ZC3H12B: variants seen among roughly 807,000 people sequenced by gnomAD.
ZC3H12B encodes the protein zinc finger CCCH-type containing 12B.
In ZC3H12B, 7 loss-of-function variants were observed where a neutral mutation model predicts 43.9. The ratio of observed to expected loss-of-function variants is 0.16; its 90% CI spans 0.09 to 0.30. The LOEUF (loss-of-function observed/expected upper bound fraction) is 0.30, where lower values mean the gene tolerates loss of function less well. Among genes scored for constraint, ZC3H12B ranks in the 10% least tolerant of loss-of-function variants. The pLI is 1.00. For synonymous variants in ZC3H12B, 222 were observed against 241.7 expected (o/e 0.92, Z 0.76); for missense variants, 475 against 670.2 (o/e 0.71, Z 3.22).
chrX:65,377,789 C>G (rs1473159495), intron 2 of ZC3H12B, among the ~76,000 whole-genome samples: 1 of 111,576 alleles, frequency 9.0e-6, no homozygotes, highest in Admixed American at 9.6e-5. Flanking sequence ...AAAGAAAGTA[C>G]GTTAGTGAGC....
chrX:65,311,903 C>A, the ZC3H12B span, among the ~76,000 whole-genome samples: 1 of 111,050 alleles, frequency 9.0e-6, no homozygotes, highest in Non-Finnish European at 1.9e-5. Flanking sequence ...ATTAGAAAAC[C>A]AAACACCACA....
the ZC3H12B span, among the ~76,000 whole-genome samples, chrX:65,295,684 A>G: frequency 8.9e-6 from 1 of 112,050 alleles, no homozygotes; most frequent in African/African-American, 3.2e-5. Flanking sequence ...AAGAATAGAG[A>G]AGATCCAAAT....
the ZC3H12B span, among the ~76,000 whole-genome samples, chrX:65,312,753 G>A: frequency 8.9e-6 from 1 of 111,948 alleles, no homozygotes; most frequent in African/African-American, 3.2e-5. Context: ...TCCTCACCTG[G>A]TGGAAGGGAA....
the ZC3H12B span, among the ~76,000 whole-genome samples, chrX:65,163,989 T>A: frequency 8.9e-6 from 1 of 112,279 alleles, no homozygotes; most frequent in Non-Finnish European, 1.9e-5. Flanking sequence ...TATCCTGGCT[T>A]CTTAAAAACT....
At chrX:65,245,725 C>G in the ZC3H12B span, among the ~76,000 whole-genome samples, 1 of 111,083 alleles carries the variant, frequency 9.0e-6, no homozygotes, top group Non-Finnish European at 1.9e-5. Flanking sequence ...ATGACCAACC[C>G]CTAGTCAACA....
chrX:65,096,802 G>T, the ZC3H12B span, among the ~76,000 whole-genome samples: 2 of 111,139 alleles, frequency 1.8e-5, no homozygotes, highest in Non-Finnish European at 3.8e-5. Flanking sequence ...AAAAATAATC[G>T]TTTTTATATT....
At chrX:65,358,309 A>G in the ZC3H12B span, among the ~76,000 whole-genome samples, 1 of 111,684 alleles carries the variant, frequency 9.0e-6, no homozygotes, top group Non-Finnish European at 1.9e-5. Context: ...TCAGGACTTA[A>G]ACTCGGCTCT....
the ZC3H12B span, among the ~76,000 whole-genome samples, chrX:65,343,842 A>C: frequency 9.0e-6 from 1 of 111,679 alleles, no homozygotes; most frequent in Non-Finnish European, 1.9e-5. Context: ...AGGCAAGAGA[A>C]AGAAATTAAG....
At chrX:65,450,694 CATATGTGTATATATGTATATGTATACAT>C (rs2067477674) in intron 3 of ZC3H12B, among the ~76,000 whole-genome samples, 5 of 2,548 alleles carry the variant, frequency 2.0e-3, no homozygotes, top group Non-Finnish European at 2.9e-3. Flanking sequence ...TATATGTATA[CATATGTGTATATATGTATATGTATACAT>C]ATGTGTATAT....
At chrX:65,308,271 G>A in the ZC3H12B span, among the ~76,000 whole-genome samples, 1 of 110,219 alleles carries the variant, frequency 9.1e-6, no homozygotes, top group Admixed American at 9.7e-5. Flanking sequence ...GACACACATA[G>A]GCTCAAAATA....
chrX:65,495,291 G>A lies in ZC3H12B; in HGVS notation c.609-1841G>A, dbSNP rs1602534664. 3.6e-5 allele frequency among the ~76,000 whole-genome samples: 4 copies of A among 112,362 alleles called. No individual in the cohort carries two copies. In the Admixed American group the frequency reaches 3.8e-4, roughly 11 times the overall value. ...CATATGCTTGGAAATGTTAATAAAA[G>A]CATTTAATAAATTTTTGCAATTTGC... On this transcript the variant is annotated intron_variant, in intron 1 of 4. Coordinates refer to ENST00000338957, the Ensembl canonical transcript of ZC3H12B.
At chrX:65,173,497 G>A in the ZC3H12B span, among the ~76,000 whole-genome samples, 3 of 111,730 alleles carry the variant, frequency 2.7e-5, no homozygotes, top group Non-Finnish European at 5.6e-5. Flanking sequence ...CTTGTCTTGT[G>A]CCAGTTTTCA....
chrX:65,412,058 A>T (rs1397872399), intron 3 of ZC3H12B, among the ~76,000 whole-genome samples: 2 of 111,553 alleles, frequency 1.8e-5, no homozygotes, highest in Non-Finnish European at 3.8e-5. Flanking sequence ...ATGTATTCAC[A>T]GTGTTGTGCA....
chrX:65,285,109 A>AATT, the ZC3H12B span, among the ~76,000 whole-genome samples: 8,546 of 108,596 alleles, frequency 0.079, 979 homozygotes, highest in African/African-American at 0.27. Flanking sequence ...GCAAGAGAAT[A>AATT]ATTATTATTA....
At chrX:65,232,775 T>C in the ZC3H12B span, among the ~76,000 whole-genome samples, 2 of 110,147 alleles carry the variant, frequency 1.8e-5, no homozygotes, top group South Asian at 7.8e-4. Context: ...TGGACTAAAT[T>C]ATCCAACAAA....
At chrX:65,189,483 G>C in the ZC3H12B span, among the ~76,000 whole-genome samples, 2 of 107,396 alleles carry the variant, frequency 1.9e-5, no homozygotes, top group African/African-American at 6.9e-5. Context: ...TTTAATGATT[G>C]CCATTCTAAA....
chrX:65,137,922 G>T, the ZC3H12B span, among the ~76,000 whole-genome samples: 5 of 112,230 alleles, frequency 4.5e-5, no homozygotes, highest in African/African-American at 6.5e-5. Context: ...TTCACCTCGT[G>T]GGTTCAAGTG....
the ZC3H12B span, among the ~76,000 whole-genome samples, chrX:65,165,056 T>TA: frequency 2.3e-4 from 26 of 111,978 alleles, no homozygotes; most frequent in Non-Finnish European, 2.3e-4. Context: ...AACGAAGTTA[T>TA]ATTTCGATGT....
chrX:65,167,411 T>A, the ZC3H12B span, among the ~76,000 whole-genome samples: 566 of 111,789 alleles, frequency 5.1e-3, 2 homozygotes, highest in African/African-American at 0.016. Context: ...TATCTCTGTT[T>A]TGGCACCGGT....
Sources: gnomAD v4.1 joint callset for allele counts (sites outside exome capture counted in the v4.1 genomes callset) on GRCh38, gnomAD v4.1.1 for gene constraint, MANE v1.5 for transcripts, NCBI Gene and HGNC (gene_info 2026-07-23, HGNC 2026-07-21) for gene names.